NPTN: variants seen among roughly 807,000 people sequenced by gnomAD.
The protein encoded by NPTN is SDR-1.
In NPTN, 5 loss-of-function variants were observed where a neutral mutation model predicts 42.7. The observed-to-expected ratio is 0.12, with a 90% CI of 0.06 to 0.25. The LOEUF (loss-of-function observed/expected upper bound fraction) is 0.25. Ranked by LOEUF, NPTN falls within the 10% of genes least tolerant of loss-of-function variation. The pLI, the probability that NPTN is intolerant of heterozygous loss-of-function variation, is 1.00. For missense variants in NPTN, 307 were observed against 525.4 expected (o/e 0.58, Z 4.06); for synonymous variants, 180 against 201.9 (o/e 0.89, Z 0.92).
At chr15:73,588,029 C>CAGGAGTTCA in intron 3 of NPTN, among the ~76,000 whole-genome samples, 1 of 152,286 alleles carries the variant, frequency 6.6e-6, no homozygotes, top group African/African-American at 2.4e-5. Context: ...ATCACGAGGT[C>CAGGAGTTCA]AGGAGTTCAA....
intron 4 of NPTN, among the ~76,000 whole-genome samples, chr15:73,579,237 C>G (rs1347246094): frequency 6.7e-6 from 1 of 150,334 alleles, no homozygotes; most frequent in Non-Finnish European, 1.5e-5. Flanking sequence ...TGAGATCGCG[C>G]CACTGCACTC....
At chr15:73,588,712 G>A (rs905472521) in intron 3 of NPTN, among the ~76,000 whole-genome samples, 2 of 152,292 alleles carry the variant, frequency 1.3e-5, no homozygotes, top group East Asian at 3.9e-4. Context: ...TTACGTGTCA[G>A]TTTATTCCAG....
intron 1 of NPTN, among the ~76,000 whole-genome samples, chr15:73,603,298 C>T (rs1278512176): frequency 2.0e-5 from 3 of 152,206 alleles, no homozygotes; most frequent in Non-Finnish European, 2.9e-5. Flanking sequence ...AAACAGGCCA[C>T]GGGCAGCAGC....
chr15:73,618,912 AG>A (rs1336238890), intron 1 of NPTN, among the ~76,000 whole-genome samples: 1 of 152,088 alleles, frequency 6.6e-6, no homozygotes. Flanking sequence ...TTAAAAAATT[AG>A]CCGGGTGTGG....
chr15:73,577,260 C>T (rs773115757), intron 4 of NPTN, among the ~76,000 whole-genome samples: 5 of 152,226 alleles, frequency 3.3e-5, no homozygotes, highest in African/African-American at 1.2e-4. Context: ...CCACTCTTCT[C>T]ACCTTGGGGT....
At chr15:73,566,139 T>C (rs1170904589) in intron 6 of NPTN, among the ~76,000 whole-genome samples, 1 of 152,238 alleles carries the variant, frequency 6.6e-6, no homozygotes, top group Non-Finnish European at 1.5e-5. Flanking sequence ...ATGAGGTAAC[T>C]TGTTATTGAC....
chr15:73,633,219 C>T lies in NPTN; in HGVS notation c.-4G>A. On this transcript the variant is annotated 5_prime_UTR_variant, in exon 1 of 9. Coordinates refer to ENST00000345330, the MANE Select transcript of NPTN (RefSeq NM_012428.4). ...TGGGCAGCGACGAACCCGACATCCT[C>T]CCTAGCAGAAGACCCAACAGCGAAT... The T allele has an allele frequency of 6.6e-7, 1 of 1,513,932 alleles. No homozygotes were observed. The highest frequency in any genetic ancestry group is 8.8e-7 in the Non-Finnish European group (1 of 1,131,300). 93.8% of individuals were successfully genotyped at this position (1,513,932 alleles called of 1,614,324 possible).
chr15:73,580,400 TTATATATATAATATATATATAA>T (rs1196084665), intron 4 of NPTN, among the ~76,000 whole-genome samples: 4 of 104,728 alleles, frequency 3.8e-5, no homozygotes, highest in African/African-American at 9.0e-5. Flanking sequence ...AATATATATA[TTATATATATAATATATATATAA>T]TATATATATA....
chr15:73,612,245 C>A (rs1340898660), intron 1 of NPTN, among the ~76,000 whole-genome samples: 1 of 151,716 alleles, frequency 6.6e-6, no homozygotes, highest in South Asian at 2.1e-4. Flanking sequence ...ATAGGGAGAC[C>A]CTGTGTCTTA....
Position 73,597,498 on chromosome 15 carries a change from AT to A in NPTN, c.92-130del. The A allele has an allele frequency of 1.4e-6, 1 of 712,364 alleles. No individual in the cohort carries two copies. The highest frequency in any genetic ancestry group is 2.3e-6 in the Non-Finnish European group (1 of 435,300). The allele number at this position is 712,364 out of a possible 1,614,324, so 44.1% of individuals were successfully genotyped here. ...AATGAGTTGCAAAGAACAAAAAAGG[AT>A]TCATTTTTAAACTATAAAGAGACAG... is the stretch of plus-strand genomic sequence containing the variant. On this transcript the variant is annotated intron_variant, in intron 1 of 8. Transcript: ENST00000345330. This position sits in a 1 kb window ranked among gnomAD's most constrained non-coding sequence, Gnocchi z 6.3.
In NPTN at chr15:73,560,671, C is replaced by T. The variant is rs1894609160; in HGVS notation, c.*392G>A. The stretch of plus-strand genomic sequence containing the variant: ...ATACTGTATATATCTGTAGGTTTTG[C>T]TGTACTTTACAAAAGTGTATCACTA... On this transcript the variant is annotated 3_prime_UTR_variant, in exon 9 of 9. Transcript: ENST00000345330. 6.6e-6 allele frequency: 1 copy of T among 150,540 alleles called. No individual in the cohort carries two copies. The highest frequency in any genetic ancestry group is 2.4e-5 in the African/African-American group (1 of 41,022). 9.3% of individuals were successfully genotyped at this position (150,540 alleles called of 1,614,324 possible). A position where few individuals can be genotyped will look rare whatever the true frequency, so the allele number is the denominator to read the frequency against.
chr15:73,615,354 A>G (rs1425290784), intron 1 of NPTN, among the ~76,000 whole-genome samples: 1 of 152,198 alleles, frequency 6.6e-6, no homozygotes, highest in Non-Finnish European at 1.5e-5. Flanking sequence ...TGTGTTAGAC[A>G]TAACGCAAAG....
intron 8 of NPTN, 99 bp downstream of exon 8, chr15:73,561,797 A>G: frequency 3.3e-6 from 3 of 909,404 alleles, no homozygotes; most frequent in Non-Finnish European, 5.3e-6. Flanking sequence ...GAACTAAAAT[A>G]TCTTATAACA....
At chr15:73,630,892 C>T (rs1266016052) in intron 1 of NPTN, among the ~76,000 whole-genome samples, 1 of 152,172 alleles carries the variant, frequency 6.6e-6, no homozygotes, top group African/African-American at 2.4e-5. Context: ...AAAATGGCAT[C>T]CATAACTATA....
intron 5 of NPTN, among the ~76,000 whole-genome samples, chr15:73,573,051 T>A (rs1177421594): frequency 6.6e-6 from 1 of 152,212 alleles, no homozygotes; most frequent in African/African-American, 2.4e-5. Flanking sequence ...ACCATGATTC[T>A]AAGTTTCTCT....
At chr15:73,606,886 G>A (rs189100983) in intron 1 of NPTN, among the ~76,000 whole-genome samples, 2 of 152,212 alleles carry the variant, frequency 1.3e-5, no homozygotes, top group East Asian at 3.9e-4. Flanking sequence ...TTCAGTTTTA[G>A]CAAAGAACCT....
chr15:73,572,365 T>TG (rs1367559988), intron 5 of NPTN, among the ~76,000 whole-genome samples: 2 of 152,158 alleles, frequency 1.3e-5, no homozygotes, highest in East Asian at 3.8e-4. Context: ...GAAAAGGTAA[T>TG]GGGTCAACAA....
chr15:73,574,694 T>A (rs1157685910), intron 4 of NPTN, among the ~76,000 whole-genome samples: 1 of 152,116 alleles, frequency 6.6e-6, no homozygotes, highest in Non-Finnish European at 1.5e-5. Context: ...ATTACAGGTG[T>A]TTGCATCTGC....
chr15:73,606,528 A>T (rs547136287), intron 1 of NPTN, among the ~76,000 whole-genome samples: 1 of 152,340 alleles, frequency 6.6e-6, no homozygotes, highest in African/African-American at 2.4e-5. Flanking sequence ...TATTAATGAA[A>T]GGTCTGGTTC....
Sources: gnomAD v4.1 joint callset for allele counts (sites outside exome capture counted in the v4.1 genomes callset) on GRCh38, gnomAD v4.1.1 for gene constraint, Gnocchi (gnomAD v3.1) non-coding constraint, MANE v1.5 for transcripts, NCBI Gene and HGNC (gene_info 2026-07-23, HGNC 2026-07-21) for gene names.